Variants in IFI27 observed in about 807,000 individuals in gnomAD.
The protein encoded by IFI27 is interferon alpha inducible protein 27, also known as interferon alpha-inducible protein 27, mitochondrial.
In IFI27, 3 loss-of-function variants were observed where a neutral mutation model predicts 8.9. The ratio of observed to expected loss-of-function variants is 0.34; its 90% CI spans 0.15 to 0.87. The LOEUF (loss-of-function observed/expected upper bound fraction) is 0.87. IFI27 is among the 40% of genes least tolerant of loss of function. IFI27 has a pLI of 0.51. For missense variants in IFI27, 152 were observed against 157.7 expected (o/e 0.96, Z 0.19); for synonymous variants, 66 against 67.3 (o/e 0.98, Z 0.09).
chr14:94,109,591 T>C (rs1251747820), upstream of IFI27, among the ~76,000 whole-genome samples: 1 of 152,114 alleles, frequency 6.6e-6, no homozygotes, highest in African/African-American at 2.4e-5. Flanking sequence ...CAGGCAAGTG[T>C]TTTTGCATAA....
rs1167621830 is a variant in IFI27, at chr14:94,111,398, C to T, written c.-58-227C>T. On this transcript the variant is annotated intron_variant, in intron 1 of 4. Coordinates refer to ENST00000621160, the Ensembl canonical transcript of IFI27. This position sits in a 1 kb window ranked among gnomAD's most constrained non-coding sequence, Gnocchi z 4.3. ...TTTCAGGAGAAAGAAAGCAGCCCCC[C>T]TGGGGAAATAAAGTCCCTCAGGGCC... is the stretch of plus-strand genomic sequence containing the variant. Among the ~76,000 whole-genome samples, 1 of 152,188 alleles carries T rather than the reference C, an allele frequency of 6.6e-6. No homozygotes were observed. The highest frequency in any genetic ancestry group is 1.5e-5 in the Non-Finnish European group (1 of 68,028).
At chr14:94,106,844 C>G (rs944477251), upstream of IFI27, among the ~76,000 whole-genome samples, 1 of 152,092 alleles carries the variant, frequency 6.6e-6, no homozygotes, top group African/African-American at 2.4e-5. Flanking sequence ...TTTCTGCAGT[C>G]AGATCTTGCG....
chr14:94,106,905 A>ACC (rs35299408), upstream of IFI27, among the ~76,000 whole-genome samples: 44,073 of 151,438 alleles, frequency 0.29, 6,913 homozygotes, highest in East Asian at 0.48. Context: ...AGTGCCAAGC[A>ACC]CCCCCATGAC....
chr14:94,116,443 A>G lies in IFI27; in HGVS notation c.285A>G (p.Gly95=), dbSNP rs1469187144. Residue 95 remains glycine, a splice_region_variant and synonymous_variant, in exon 5 of 5, where the codon GGA becomes GGG. Transcript: ENST00000621160. This position sits in a 1 kb window ranked among gnomAD's most constrained non-coding sequence, Gnocchi z 4.3. ...TGTCCACCCTCTGCTTCTTCCCAGGAGCAACTGGACTCTCCGGATTGACCA... is the reference window on the plus strand; with the variant it reads ...TGTCCACCCTCTGCTTCTTCCCAGGGGCAACTGGACTCTCCGGATTGACCA... 6.2e-7 allele frequency: 1 copy of G among 1,610,774 alleles called. No homozygotes were observed.
At chr14:94,108,506 A>G (rs1204365581), upstream of IFI27, among the ~76,000 whole-genome samples, 2 of 152,230 alleles carry the variant, frequency 1.3e-5, no homozygotes, top group Non-Finnish European at 2.9e-5. Context: ...TGGTTAGGAC[A>G]TGGAGCCTGA....
Position 94,115,399 on chromosome 14 carries a change from A to G in IFI27, c.122-382A>G, listed in dbSNP as rs1030625571. 92 of 539,674 alleles carry G rather than the reference A, an allele frequency of 1.7e-4. 1 individual carries two copies. The highest frequency in any genetic ancestry group is 1.4e-3 in the South Asian group (91 of 65,224). 33.4% of individuals were successfully genotyped at this position (539,674 alleles called of 1,614,324 possible). ...CCGCTCTGAATGTGCCTCTTACATAATCTCCTGGGCAACATCTGCTCCCCT... is the reference window on the plus strand; with the variant it reads ...CCGCTCTGAATGTGCCTCTTACATAGTCTCCTGGGCAACATCTGCTCCCCT... On this transcript the variant is annotated intron_variant, in intron 3 of 4. Transcript: ENST00000621160.
Position 94,116,402 on chromosome 14 carries a change from C to G in IFI27, c.284-40C>G. ...AGTCCTGCCCACAGAGCTTCCCCGACAGGCATGTCCCACTCTGTCCACCCT... is the reference window on the plus strand; with the variant it reads ...AGTCCTGCCCACAGAGCTTCCCCGAGAGGCATGTCCCACTCTGTCCACCCT... On this transcript the variant is annotated intron_variant, in intron 4 of 4. Transcript: ENST00000621160. The surrounding 1 kb of genome is among the most constrained non-coding windows in gnomAD (Gnocchi z 4.3). 6.9e-7 allele frequency: 1 copy of G among 1,446,948 alleles called. No homozygotes were observed. The highest frequency in any genetic ancestry group is 9.7e-7 in the Non-Finnish European group (1 of 1,036,184). 89.6% of individuals were successfully genotyped at this position (1,446,948 alleles called of 1,614,324 possible).
upstream of IFI27, among the ~76,000 whole-genome samples, chr14:94,110,235 T>C (rs768306172): frequency 7.2e-5 from 11 of 152,264 alleles, no homozygotes; most frequent in Non-Finnish European, 1.5e-4. Context: ...TTATTTATTA[T>C]GTTTAGTTTG....
upstream of IFI27, among the ~76,000 whole-genome samples, chr14:94,110,471 G>A (rs1887135649): frequency 6.6e-6 from 1 of 152,138 alleles, no homozygotes; most frequent in African/African-American, 2.4e-5. Flanking sequence ...CTTACTTCTT[G>A]TGACTTCATT....
upstream of IFI27, among the ~76,000 whole-genome samples, chr14:94,109,349 AG>A (rs1278810687): frequency 1.4e-5 from 2 of 146,410 alleles, no homozygotes; most frequent in East Asian, 2.2e-4. Context: ...AGGGCAGGGA[AG>A]GGCAGGGAAG....
chr14:94,109,387 G>A (rs1182782017), upstream of IFI27, among the ~76,000 whole-genome samples: 1 of 146,450 alleles, frequency 6.8e-6, no homozygotes, highest in African/African-American at 2.6e-5. Context: ...GAAGGGCAAG[G>A]GCAAGGGCAA....
At position 94,116,414 on chromosome 14, in the gene IFI27, A is replaced by G; in HGVS notation, c.284-28A>G. On this transcript the variant is annotated intron_variant, in intron 4 of 4. Coordinates refer to ENST00000621160, the Ensembl canonical transcript of IFI27. This position sits in a 1 kb window ranked among gnomAD's most constrained non-coding sequence, Gnocchi z 4.3. ...AGAGCTTCCCCGACAGGCATGTCCC[A>G]CTCTGTCCACCCTCTGCTTCTTCCC... The G allele has an allele frequency of 6.5e-7, 1 of 1,546,874 alleles. No homozygotes were observed. Among genetic ancestry groups the G allele is most frequent in the Non-Finnish European group, 8.9e-7 (1 of 1,124,198 alleles).
At chr14:94,106,432 C>A (rs1164120547), upstream of IFI27, among the ~76,000 whole-genome samples, 1 of 152,184 alleles carries the variant, frequency 6.6e-6, no homozygotes, top group Non-Finnish European at 1.5e-5. Context: ...ACGATCCCAC[C>A]AACAGTGTGC....
At chr14:94,115,581 G>C (rs762348433) in intron 3 of IFI27, 200 bp from the exon 4 acceptor site, 13 of 620,586 alleles carry the variant, frequency 2.1e-5, no homozygotes, top group Non-Finnish European at 3.4e-5. Flanking sequence ...TGTGCCCAGT[G>C]ACCCCACTAG....
At chr14:94,114,955 C>G in intron 3 of IFI27, 75 bp downstream of exon 3, 2 of 1,384,174 alleles carry the variant, frequency 1.4e-6, no homozygotes, top group Non-Finnish European at 2.1e-6. Flanking sequence ...CTGGCCTTGT[C>G]CATGCCAATG....
chr14:94,115,790 T>C, exon 4 of IFI27: 1 of 641,890 alleles, frequency 1.6e-6, no homozygotes. Context: ...GTTGTGGCCA[T>C]GGCGGCTGTG....
Position 94,111,545 on chromosome 14 carries a change from C to A in IFI27, c.-58-80C>A. 1 of 696,526 alleles carries A rather than the reference C, an allele frequency of 1.4e-6. No homozygotes were observed. The highest frequency in any genetic ancestry group is 2.6e-6 in the Non-Finnish European group (1 of 385,708). 43.1% of individuals were successfully genotyped at this position (696,526 alleles called of 1,614,324 possible). A position where few individuals can be genotyped will look rare whatever the true frequency, so the allele number is the denominator to read the frequency against. ...GAGCAGCCTCCCTAGCCCCCTGGAG[C>A]CCGTCACATTTTTCAGGACAGTGGG... On this transcript the variant is annotated intron_variant, in intron 1 of 4. Transcript: ENST00000621160. The surrounding 1 kb of genome is among the most constrained non-coding windows in gnomAD (Gnocchi z 4.3).
At chr14:94,109,323 G>T (rs1887072180), upstream of IFI27, among the ~76,000 whole-genome samples, 2 of 148,964 alleles carry the variant, frequency 1.3e-5, no homozygotes, top group South Asian at 2.2e-4. Flanking sequence ...AAAGGAAAGG[G>T]AGGGGAGGGG....
At chr14:94,114,443 A>T (rs564103764) in intron 2 of IFI27, 1 of 191,556 alleles carries the variant, frequency 5.2e-6, no homozygotes, top group African/African-American at 2.3e-5. Context: ...TTCATTGCCA[A>T]GTATCCTGTA....
Sources: allele counts gnomAD v4.1 joint callset (sites outside exome capture counted in the v4.1 genomes callset), GRCh38; gene constraint gnomAD v4.1.1; non-coding constraint Gnocchi (gnomAD v3.1); transcripts MANE v1.5; gene names NCBI Gene and HGNC (gene_info 2026-07-23, HGNC 2026-07-21).